The following PTPRT variants were observed in gnomAD, a reference collection of about 807,000 sequenced individuals.
The protein encoded by PTPRT is protein tyrosine phosphatase receptor type T.
Under a neutral mutation model 176.8 loss-of-function variants are expected in PTPRT, and 56 were observed. The ratio of observed to expected loss-of-function variants is 0.32; its 90% CI spans 0.26 to 0.40. PTPRT has a LOEUF of 0.40. Ranked by LOEUF, PTPRT falls within the 10% of genes least tolerant of loss-of-function variation. The pLI, the probability that PTPRT is intolerant of heterozygous loss-of-function variation, is 1.00. For synonymous variants in PTPRT, 783 were observed against 739.0 expected (o/e 1.06, Z -0.96); for missense variants, 1,540 against 1,908.2 (o/e 0.81, Z 3.60).
At chr20:42,881,350 G>A (rs2079007220) in intron 2 of PTPRT, among the ~76,000 whole-genome samples, 5 of 152,226 alleles carry the variant, frequency 3.3e-5, no homozygotes, top group Admixed American at 2.6e-4. Context: ...TGTTATGAGT[G>A]AGAATAAGGA....
intron 13 of PTPRT, among the ~76,000 whole-genome samples, chr20:42,275,767 T>A (rs948632680): frequency 2.0e-5 from 3 of 152,202 alleles, no homozygotes; most frequent in Non-Finnish European, 2.9e-5. Context: ...AAAATCTGTA[T>A]TTTTCCATTG....
chr20:42,745,342 T>C (rs905484635), intron 6 of PTPRT, among the ~76,000 whole-genome samples: 2 of 152,200 alleles, frequency 1.3e-5, no homozygotes, highest in Non-Finnish European at 2.9e-5. Context: ...TACAAAAGCC[T>C]TCCCATGGGG....
chr20:42,713,265 T>C (rs1278059580), intron 6 of PTPRT, among the ~76,000 whole-genome samples: 1 of 152,154 alleles, frequency 6.6e-6, no homozygotes, highest in African/African-American at 2.4e-5. Context: ...TGTACCTTTT[T>C]CTTTCTTTTG....
intron 7 of PTPRT, among the ~76,000 whole-genome samples, chr20:42,649,696 T>C (rs2074993999): frequency 6.6e-6 from 1 of 152,188 alleles, no homozygotes; most frequent in South Asian, 2.1e-4. Flanking sequence ...CCCTAAGTTA[T>C]GCTTGATTTA....
At chr20:42,685,139 G>A (rs1292095069) in intron 6 of PTPRT, among the ~76,000 whole-genome samples, 2 of 152,146 alleles carry the variant, frequency 1.3e-5, no homozygotes, top group Non-Finnish European at 2.9e-5. Context: ...TACACAAAAG[G>A]TCTTAAGGGG....
chr20:42,631,228 A>G (rs980931746), intron 7 of PTPRT, among the ~76,000 whole-genome samples: 3 of 152,152 alleles, frequency 2.0e-5, no homozygotes, highest in African/African-American at 7.2e-5. Flanking sequence ...AGATGGATGA[A>G]CTTCTCTACC....
chr20:42,043,885 A>T, the PTPRT span, among the ~76,000 whole-genome samples: 2 of 152,338 alleles, frequency 1.3e-5, no homozygotes, highest in East Asian at 3.9e-4. Flanking sequence ...CAGGGCTGGG[A>T]CTAGAGTGAG....
chr20:42,222,298 G>GACTC (rs2055903703), intron 15 of PTPRT, among the ~76,000 whole-genome samples: 1 of 152,196 alleles, frequency 6.6e-6, no homozygotes, highest in Admixed American at 6.5e-5. Context: ...TCATTGGAGT[G>GACTC]ACTCAAAGAT....
chr20:42,565,952 C>G (rs929605300), intron 7 of PTPRT, among the ~76,000 whole-genome samples: 1 of 152,016 alleles, frequency 6.6e-6, no homozygotes, highest in Non-Finnish European at 1.5e-5. Context: ...ACGACTTGCT[C>G]TCTCCCAAAT....
chr20:42,288,340 TTTTTTG>T (rs1372409069), intron 12 of PTPRT, among the ~76,000 whole-genome samples: 1 of 87,920 alleles, frequency 1.1e-5, no homozygotes, highest in Admixed American at 9.9e-5. Context: ...TCTGCAGAGT[TTTTTTG>T]TTTTGTTTTG....
intron 13 of PTPRT, among the ~76,000 whole-genome samples, chr20:42,262,070 G>C (rs542586849): frequency 3.3e-5 from 5 of 152,188 alleles, no homozygotes; most frequent in Non-Finnish European, 7.3e-5. Context: ...CCCGTGCAAC[G>C]GTAATAAAAT....
At chr20:42,327,664 G>A (rs546058318) in intron 11 of PTPRT, among the ~76,000 whole-genome samples, 1 of 152,168 alleles carries the variant, frequency 6.6e-6, no homozygotes, top group Admixed American at 6.5e-5. Context: ...AAGGATATGT[G>A]GATGGTTATT....
intron 7 of PTPRT, among the ~76,000 whole-genome samples, chr20:42,576,254 C>A (rs2145706356): frequency 6.6e-6 from 1 of 152,326 alleles, no homozygotes; most frequent in Admixed American, 6.5e-5. Context: ...GTTTAGGCAT[C>A]ACTTCCTCTG....
chr20:42,440,018 T>C (rs1282514418), intron 9 of PTPRT, among the ~76,000 whole-genome samples: 1 of 152,184 alleles, frequency 6.6e-6, no homozygotes, highest in African/African-American at 2.4e-5. Context: ...GCGATTCTCC[T>C]GCCTCAGCCT....
At chr20:42,469,115 A>G (rs1171007485) in intron 8 of PTPRT, among the ~76,000 whole-genome samples, 1 of 152,076 alleles carries the variant, frequency 6.6e-6, no homozygotes, top group Non-Finnish European at 1.5e-5. Flanking sequence ...CCACAAATAT[A>G]GTACCTTATA....
At chr20:42,059,420 A>G in the PTPRT span, among the ~76,000 whole-genome samples, 1 of 152,156 alleles carries the variant, frequency 6.6e-6, no homozygotes, top group African/African-American at 2.4e-5. Flanking sequence ...TGCCTAAGGG[A>G]AAAGGTGGAT....
Position 43,162,042 on chromosome 20 carries a change from C to T in PTPRT, c.88+27604G>A, listed in dbSNP as rs372203658. 1.9e-4 allele frequency among the ~76,000 whole-genome samples: 29 copies of T among 152,240 alleles called. No individual in the cohort carries two copies. In the East Asian group the frequency reaches 3.3e-3, roughly 17 times the overall value. On this transcript the variant is annotated intron_variant, in intron 1 of 30. Coordinates refer to ENST00000373187, the MANE Select transcript of PTPRT (RefSeq NM_007050.6). ...ATGCTAATATGGTGATTCCTGTTTTCGAAACTGGCGGGCAAGAAGCAGGGA... is the reference window on the plus strand; with the variant it reads ...ATGCTAATATGGTGATTCCTGTTTTTGAAACTGGCGGGCAAGAAGCAGGGA...
chr20:42,201,743 A>AG (rs1287660564), intron 15 of PTPRT, among the ~76,000 whole-genome samples: 2 of 151,688 alleles, frequency 1.3e-5, no homozygotes, highest in Non-Finnish European at 2.9e-5. Context: ...AAAAAAAAAA[A>AG]AAAAAAAAAA....
intron 1 of PTPRT, among the ~76,000 whole-genome samples, chr20:42,990,980 A>G (rs1983881288): frequency 6.6e-6 from 1 of 152,196 alleles, no homozygotes; most frequent in African/African-American, 2.4e-5. Flanking sequence ...GTAGGAATAA[A>G]GGGTATTATA....
Sources: allele counts gnomAD v4.1 joint callset (sites outside exome capture counted in the v4.1 genomes callset), GRCh38; gene constraint gnomAD v4.1.1; transcripts MANE v1.5; gene names NCBI Gene and HGNC (gene_info 2026-07-23, HGNC 2026-07-21).